GOLIM4: variants seen among roughly 807,000 people sequenced by gnomAD.
The protein encoded by GOLIM4 is golgi integral membrane protein 4.
In GOLIM4, 71 loss-of-function variants were observed where a neutral mutation model predicts 107.4. That is an observed-to-expected ratio of 0.66 (90% CI 0.55 to 0.81). GOLIM4 has a LOEUF of 0.81. Among genes scored for constraint, GOLIM4 ranks in the 30% least tolerant of loss-of-function variants. The pLI is 0.00. For missense variants in GOLIM4, 830 were observed against 826.1 expected, an observed-to-expected ratio of 1.00 and a Z score of -0.06; for synonymous variants, 327 against 294.8, an observed-to-expected ratio of 1.11 and a Z score of -1.12.
intron 1 of GOLIM4, among the ~76,000 whole-genome samples, chr3:168,065,949 C>T (rs1291644303): frequency 2.6e-5 from 4 of 152,224 alleles, no homozygotes; most frequent in African/African-American, 9.6e-5. Flanking sequence ...GCTCTAACAT[C>T]CTCTGATTCT....
chr3:168,012,912 C>T (rs1379325388), intron 14 of GOLIM4, among the ~76,000 whole-genome samples: 4 of 151,522 alleles, frequency 2.6e-5, no homozygotes, highest in Non-Finnish European at 5.9e-5. Context: ...AAAGGAACAA[C>T]CGGAACCAGC....
chr3:168,050,494 A>G (rs1458604157), intron 1 of GOLIM4, among the ~76,000 whole-genome samples: 1 of 152,144 alleles, frequency 6.6e-6, no homozygotes, highest in Admixed American at 6.5e-5. Flanking sequence ...TGGGGGAAAC[A>G]TATAGGGAAA....
chr3:168,080,853 C>A (rs1182810710), intron 1 of GOLIM4, among the ~76,000 whole-genome samples: 1 of 152,186 alleles, frequency 6.6e-6, no homozygotes, highest in Non-Finnish European at 1.5e-5. Context: ...ACTGTGTGGG[C>A]TAAACCAAAA....
intron 12 of GOLIM4, among the ~76,000 whole-genome samples, chr3:168,026,391 C>T (rs1282680172): frequency 3.3e-5 from 5 of 152,098 alleles, no homozygotes; most frequent in Non-Finnish European, 7.4e-5. Context: ...CAACTCCGAC[C>T]ACGTAACAGG....
At chr3:168,074,883 G>C (rs56755463) in intron 1 of GOLIM4, among the ~76,000 whole-genome samples, 2,273 of 152,268 alleles carry the variant, frequency 0.015, 59 homozygotes, top group African/African-American at 0.052. Flanking sequence ...GAGTGACCCA[G>C]TTACCACTGG....
chr3:168,078,103 G>A (rs1721159102), intron 1 of GOLIM4, among the ~76,000 whole-genome samples: 1 of 151,866 alleles, frequency 6.6e-6, no homozygotes, highest in South Asian at 2.1e-4. Flanking sequence ...TACTACTTTT[G>A]AATACCAATA....
intron 9 of GOLIM4, 30 bp downstream of exon 9, chr3:168,032,490 A>G: frequency 6.5e-7 from 1 of 1,537,792 alleles, no homozygotes; most frequent in Non-Finnish European, 9.0e-7. Flanking sequence ...CCATCCCAGT[A>G]CACCATACCA....
chr3:168,038,309 CCTT>C (rs930623605), intron 7 of GOLIM4, among the ~76,000 whole-genome samples: 2 of 152,182 alleles, frequency 1.3e-5, no homozygotes, highest in Admixed American at 6.5e-5. Flanking sequence ...CAATTCTACT[CCTT>C]CTTTCTCCTA....
Position 168,032,696 on chromosome 3 carries a change from G to C in GOLIM4, c.1000C>G (p.Gln334Glu). 1.2e-6 allele frequency: 2 copies of C among 1,614,038 alleles called. No individual in the cohort carries two copies. The highest frequency in any genetic ancestry group is 2.2e-5 in the South Asian group (2 of 91,070). The change falls in exon 9 of 16, where the codon CAG (glutamine) becomes GAG (glutamate). Residue 334 changes from glutamine to glutamate, a missense_variant. Physicochemically the swap from Gln to Glu is conservative, Grantham distance 29 (BLOSUM62 2). Transcript: ENST00000470487. The part of the protein sequence containing the change: ...EVERREPEEH[Q>E]VEEEHRKALE... ...GCCTTTCTGTGCTCCTCTTCCACCT[G>C]ATGCTCCTCAGGTTCTCTGCGTTCC...
At chr3:168,081,740 C>T (rs1454558604) in intron 1 of GOLIM4, among the ~76,000 whole-genome samples, 2 of 152,094 alleles carry the variant, frequency 1.3e-5, no homozygotes, top group East Asian at 1.9e-4. Context: ...TTGTTTTCAG[C>T]ATCAAATAAT....
At chr3:168,079,931 A>G (rs1367002981) in intron 1 of GOLIM4, among the ~76,000 whole-genome samples, 1 of 152,174 alleles carries the variant, frequency 6.6e-6, no homozygotes, top group Non-Finnish European at 1.5e-5. Flanking sequence ...AAGTAAAAAA[A>G]AATCTTTGTC....
intron 8 of GOLIM4, among the ~76,000 whole-genome samples, chr3:168,035,564 A>G (rs1483344579): frequency 6.6e-6 from 1 of 152,216 alleles, no homozygotes; most frequent in Non-Finnish European, 1.5e-5. Flanking sequence ...GTCAAATACT[A>G]CATGTTCTCA....
chr3:168,095,487 G>C lies in GOLIM4; in HGVS notation c.-202C>G, dbSNP rs1722145709. 1.9e-6 allele frequency: 1 copy of C among 530,922 alleles called. No homozygotes were observed. Among genetic ancestry groups the C allele is most frequent in the African/African-American group, 2.0e-5 (1 of 48,790 alleles). The allele number at this position is 530,922 out of a possible 1,614,324, so 32.9% of individuals were successfully genotyped here. On this transcript the variant is annotated 5_prime_UTR_variant, in exon 1 of 16. Transcript: ENST00000470487. Reference sequence around the variant, plus strand: ...GGGCGCGCAGCCATCGACGCCGCCCGGGCAGCTGCAGCCAAACTTCTGCGA... The same window carrying C: ...GGGCGCGCAGCCATCGACGCCGCCCCGGCAGCTGCAGCCAAACTTCTGCGA...
chr3:168,028,390 A>AC (rs764848522), intron 11 of GOLIM4, among the ~76,000 whole-genome samples: 1 of 152,226 alleles, frequency 6.6e-6, no homozygotes, highest in African/African-American at 2.4e-5. Flanking sequence ...CTTTTTGAAA[A>AC]AATATTTAGA....
intron 3 of GOLIM4, 32 bp from the exon 4 acceptor site, chr3:168,044,913 AG>A: frequency 7.9e-7 from 1 of 1,266,334 alleles, no homozygotes; most frequent in Non-Finnish European, 1.1e-6. Flanking sequence ...GAAAACACAA[AG>A]ATAAATATGG....
intron 1 of GOLIM4, among the ~76,000 whole-genome samples, chr3:168,075,635 C>G (rs921568254): frequency 1.3e-5 from 2 of 152,090 alleles, no homozygotes; most frequent in African/African-American, 4.8e-5. Flanking sequence ...CAAGAATCTA[C>G]AAGTTCCTAC....
intron 6 of GOLIM4, 135 bp downstream of exon 6, chr3:168,041,257 C>T (rs989100580): frequency 1.0e-5 from 6 of 594,004 alleles, no homozygotes; most frequent in Middle Eastern, 3.2e-4. Context: ...ATATTAGGTA[C>T]ACTCTAGTTA....
intron 7 of GOLIM4, among the ~76,000 whole-genome samples, chr3:168,038,937 C>A (rs1303497997): frequency 6.6e-6 from 1 of 152,126 alleles, no homozygotes; most frequent in African/African-American, 2.4e-5. Context: ...CTTTCTTGGT[C>A]TCTTTCTGCT....
intron 1 of GOLIM4, among the ~76,000 whole-genome samples, chr3:168,094,472 G>A (rs1430317829): frequency 6.6e-6 from 1 of 152,204 alleles, no homozygotes; most frequent in Non-Finnish European, 1.5e-5. Flanking sequence ...TGAATGGTAT[G>A]TAGTGTGGAC....
Sources: gnomAD v4.1 joint callset for allele counts (sites outside exome capture counted in the v4.1 genomes callset) on GRCh38, gnomAD v4.1.1 for gene constraint, MANE v1.5 for transcripts, NCBI Gene and HGNC (gene_info 2026-07-23, HGNC 2026-07-21) for gene names.